Variants in ACTN4 observed in about 807,000 individuals in gnomAD.
The protein encoded by ACTN4 is actinin alpha 4, also known as alpha-actinin-4.
ACTN4 carries 18 observed loss-of-function variants against 114.2 expected under a neutral mutation model. The ratio of observed to expected loss-of-function variants is 0.16; its 90% confidence interval spans 0.11 to 0.23. ACTN4 has a LOEUF of 0.23. Ranked by LOEUF, ACTN4 falls within the 10% of genes least tolerant of loss-of-function variation. The pLI is 1.00. For synonymous variants in ACTN4, 515 were observed against 506.3 expected (o/e 1.02, Z -0.23); for missense variants, 722 against 1,262.9 (o/e 0.57, Z 6.49).
intron 3 of ACTN4, among the ~76,000 whole-genome samples, chr19:38,701,372 CG>C (rs1359373509): frequency 6.6e-6 from 1 of 152,152 alleles, no homozygotes; most frequent in Non-Finnish European, 1.5e-5. Context: ...CACCCAACCA[CG>C]GGGGCGACGG....
rs1161176669 is a variant in ACTN4 at position 38,718,049 on chromosome 19, C to T, written c.1266C>T (p.Ala422=). 3.7e-6 allele frequency: 6 copies of T among 1,609,606 alleles called. No individual in the cohort carries two copies. The highest frequency in any genetic ancestry group is 4.2e-6 in the Non-Finnish European group (5 of 1,178,220). ...DHLAEKFRQK[A]SIHEAWTDGK... ...TGGCAGAGAAGTTCCGGCAGAAGGC[C>T]TCCATCCACGAGGCCTGGACTGACG... The change falls in exon 11 of 21, where the codon GCC becomes GCT. Residue 422 remains alanine (A), a synonymous_variant. Transcript: ENST00000252699.
intron 1 of ACTN4, among the ~76,000 whole-genome samples, chr19:38,690,101 G>C (rs765123105): frequency 2.0e-5 from 3 of 152,204 alleles, no homozygotes; most frequent in Non-Finnish European, 4.4e-5. Flanking sequence ...CAGGAGGAGG[G>C]ACAATGATTG....
rs767454781 is a variant in ACTN4 at position 38,728,017 on chromosome 19, C to T, written c.2409C>T (p.Asn803=). 14 of 1,612,390 alleles carry T rather than the reference C, an allele frequency of 8.7e-6. No homozygotes were observed. The highest frequency in any genetic ancestry group is 6.7e-5 in the East Asian group (3 of 44,828). Residue 803 remains asparagine, a synonymous_variant, in exon 19 of 21, where the codon AAC becomes AAT. Coordinates refer to ENST00000252699, the MANE Select transcript of ACTN4 (RefSeq NM_004924.6). ...CLISLGYDVE[N]DRQGEAEFNR... is the part of the protein sequence containing the mutation. ...TCAGCCTGGGCTACGACGTGGAGAA[C>T]GACCGGCAGGTACTGCACCCTGGGC...
rs1969520277 is a variant in ACTN4 at position 38,730,740 on chromosome 19, G to T, written c.*1308G>T. On this transcript the variant is annotated 3_prime_UTR_variant, in exon 21 of 21. Coordinates refer to ENST00000252699, the MANE Select transcript of ACTN4 (RefSeq NM_004924.6). ...CGTGAGCAGTGAGGGCCAGAGACTA[G>T]CCCCAGACAGGTGGATGCCAGAGAG... is the stretch of plus-strand genomic sequence containing the variant. 2.2e-6 allele frequency: 3 copies of T among 1,357,368 alleles called. No homozygotes were observed. The highest frequency in any genetic ancestry group is 3.1e-6 in the Non-Finnish European group (3 of 981,210). The allele number at this position is 1,357,368 out of a possible 1,614,324, so 84.1% of individuals were successfully genotyped here.
chr19:38,723,791 G>A, intron 13 of ACTN4, 69 bp downstream of exon 13: 1 of 1,473,358 alleles, frequency 6.8e-7, no homozygotes, highest in South Asian at 1.2e-5. Context: ...GGTGTGGATA[G>A]TGTCCAGACC....
chr19:38,700,580 C>T lies in ACTN4; in HGVS notation c.163-20C>T. The stretch of plus-strand genomic sequence containing the variant: ...CAGCCAGGCTGACTCTGCGCACTGT[C>T]CTTTGTTCTGCTTCCCCAGACCTTC... On this transcript the variant is annotated intron_variant, in intron 1 of 20. Transcript: ENST00000252699. 6.9e-6 allele frequency: 11 copies of T among 1,599,902 alleles called. No homozygotes were observed. Among genetic ancestry groups the T allele is most frequent in the Non-Finnish European group, 9.4e-6 (11 of 1,167,084 alleles).
intron 1 of ACTN4, among the ~76,000 whole-genome samples, chr19:38,658,053 C>T (rs374965750): frequency 1.4e-4 from 22 of 152,176 alleles, no homozygotes; most frequent in African/African-American, 4.8e-4. Context: ...TGTTAGGCCC[C>T]GGGCAGAAAA....
chr19:38,709,516 G>C, intron 7 of ACTN4, 40 bp downstream of exon 7: 1 of 1,576,816 alleles, frequency 6.3e-7, no homozygotes, highest in Non-Finnish European at 8.7e-7. Flanking sequence ...TGTGCTTCCT[G>C]ATGGCCTTTT....
At chr19:38,702,355 C>G (rs1315821606) in intron 3 of ACTN4, among the ~76,000 whole-genome samples, 1 of 152,218 alleles carries the variant, frequency 6.6e-6, no homozygotes, top group African/African-American at 2.4e-5. Flanking sequence ...GAACCCCGCC[C>G]CACCCTGTCC....
At position 38,729,679 on chromosome 19, in the gene ACTN4, G is replaced by GTGT. The variant is rs1316890038; in HGVS notation, c.*251_*253dup. The GTGT allele has an allele frequency of 8.7e-6, 6 of 691,746 alleles. No individual in the cohort carries two copies. Among genetic ancestry groups the GTGT allele is most frequent in the Admixed American group, 4.1e-5 (2 of 49,330 alleles). The allele number at this position is 691,746 out of a possible 1,614,324, so 42.9% of individuals were successfully genotyped here. The stretch of plus-strand genomic sequence containing the variant: ...TTCTGGTCTGGTAAATATGTATGAT[G>GTGT]TGTTGTGCTTTTTTAACCAAGGAGG... On this transcript the variant is annotated 3_prime_UTR_variant, in exon 21 of 21. Transcript: ENST00000252699.
At chr19:38,716,446 G>A (rs956388845) in intron 9 of ACTN4, among the ~76,000 whole-genome samples, 5 of 152,220 alleles carry the variant, frequency 3.3e-5, no homozygotes, top group East Asian at 1.9e-4. Flanking sequence ...TGAAGACAGC[G>A]GCAGTGGGGC....
chr19:38,676,720 A>G (rs755690), intron 1 of ACTN4, among the ~76,000 whole-genome samples: 79,494 of 151,932 alleles, frequency 0.52, 21,186 homozygotes, highest in South Asian at 0.66. Flanking sequence ...GAGGTCCCAC[A>G]GCTTCTCCTG....
chr19:38,709,339 T>C (rs1968564134), intron 6 of ACTN4, 56 bp from the exon 7 acceptor site: 4 of 1,377,558 alleles, frequency 2.9e-6, no homozygotes, highest in Non-Finnish European at 3.1e-6. Context: ...GCCTCCCTCC[T>C]GCTCCTGCAC....
chr19:38,656,738 A>G (rs1002205406), intron 1 of ACTN4, among the ~76,000 whole-genome samples: 2 of 152,192 alleles, frequency 1.3e-5, no homozygotes, highest in Admixed American at 1.3e-4. Flanking sequence ...TTCAGGCAGG[A>G]ATAAAGAAGA....
chr19:38,673,457 ATATATATTT>A (rs1208278318), intron 1 of ACTN4, among the ~76,000 whole-genome samples: 9 of 89,974 alleles, frequency 1.0e-4, no homozygotes, highest in African/African-American at 3.1e-4. Context: ...ATATATATTC[ATATATATTT>A]ATATATATTT....
intron 17 of ACTN4, among the ~76,000 whole-genome samples, chr19:38,726,287 CAA>C (rs971240285): frequency 5.1e-4 from 31 of 60,956 alleles, no homozygotes; most frequent in Admixed American, 9.1e-4. Context: ...GACTCTGTCT[CAA>C]AAAAAAAAAA....
At chr19:38,708,777 G>A (rs932855886) in intron 6 of ACTN4, among the ~76,000 whole-genome samples, 3 of 152,206 alleles carry the variant, frequency 2.0e-5, no homozygotes, top group South Asian at 2.1e-4. Context: ...AGTGTACCCC[G>A]AGCGAGCAGG....
intron 8 of ACTN4, chr19:38,710,764 C>G (rs926700008): frequency 1.3e-4 from 44 of 330,960 alleles, no homozygotes; most frequent in African/African-American, 9.2e-4. Context: ...CTGCTAGATG[C>G]AGGCTGGGGC....
intron 1 of ACTN4, among the ~76,000 whole-genome samples, chr19:38,665,747 G>A (rs1172047882): frequency 6.6e-6 from 1 of 152,196 alleles, no homozygotes; most frequent in Non-Finnish European, 1.5e-5. Context: ...GAACAATTTT[G>A]TGTTGGGATG....
Sources: gnomAD v4.1 joint callset for allele counts (sites outside exome capture counted in the v4.1 genomes callset) on GRCh38, gnomAD v4.1.1 for gene constraint, MANE v1.5 for transcripts, NCBI Gene and HGNC (gene_info 2026-07-23, HGNC 2026-07-21) for gene names.